Variants in LSM4 observed in about 807,000 individuals in gnomAD.
LSM4 encodes the protein LSM4 homolog, U6 small nuclear RNA and mRNA degradation associated, also known as U6 snRNA-associated Sm-like protein LSm4.
Under a neutral mutation model 22.3 loss-of-function variants are expected in LSM4, and 15 were observed. The ratio of observed to expected loss-of-function variants is 0.67; its 90% confidence interval spans 0.45 to 1.03. The LOEUF is 1.03. Ranked by LOEUF, LSM4 falls within the 50% of genes least tolerant of loss-of-function variation. LSM4 has a pLI of 0.00. For synonymous variants in LSM4, 90 were observed against 79.8 expected (o/e 1.13, Z -0.68); for missense variants, 127 against 198.0 (o/e 0.64, Z 2.15).
intron 2 of LSM4, among the ~76,000 whole-genome samples, chr19:18,313,038 G>C (rs1023307870): frequency 6.6e-6 from 1 of 152,180 alleles, no homozygotes; most frequent in Non-Finnish European, 1.5e-5. Flanking sequence ...GACCAACATG[G>C]TGAAACCCCA....
At chr19:18,311,290 T>C (rs1472197084) in intron 3 of LSM4, among the ~76,000 whole-genome samples, 2 of 152,126 alleles carry the variant, frequency 1.3e-5, no homozygotes, top group African/African-American at 4.8e-5. Flanking sequence ...CTCTGCATCC[T>C]GCGGCCTGCC....
chr19:18,319,366 A>G (rs1056607807), intron 1 of LSM4, among the ~76,000 whole-genome samples: 1 of 152,186 alleles, frequency 6.6e-6, no homozygotes, highest in Non-Finnish European at 1.5e-5. Flanking sequence ...GTTCGAGACC[A>G]GCCTGGCCAA....
chr19:18,316,512 A>T (rs1970358415), intron 1 of LSM4, among the ~76,000 whole-genome samples: 1 of 151,724 alleles, frequency 6.6e-6, no homozygotes, highest in African/African-American at 2.4e-5. Flanking sequence ...CACACCCAGC[A>T]AATTTTTGTA....
Position 18,307,637 on chromosome 19 carries a change from C to CGCCCCTT in LSM4, c.329-83_329-82insAAGGGGC. 3.9e-6 allele frequency: 4 copies of CGCCCCTT among 1,026,698 alleles called. No individual in the cohort carries two copies. In the South Asian group the frequency reaches 5.7e-5, roughly 15 times the overall value. 63.6% of individuals were successfully genotyped at this position (1,026,698 alleles called of 1,614,324 possible). A position where few individuals can be genotyped will look rare whatever the true frequency, so the allele number is the denominator to read the frequency against. Reference sequence around the variant, plus strand: ...GATCCCGGCGCCCTGAAACTCTAGGCCAGGTCACCTAAGTCTCCAGCCTCA... The same window carrying CGCCCCTT: ...GATCCCGGCGCCCTGAAACTCTAGGCGCCCCTTCAGGTCACCTAAGTCTCCAGCCTCA... On this transcript the variant is annotated intron_variant, in intron 4 of 4. Coordinates refer to ENST00000593829, the MANE Select transcript of LSM4 (RefSeq NM_012321.5).
At chr19:18,309,091 C>A (rs995233143) in intron 4 of LSM4, among the ~76,000 whole-genome samples, 2 of 152,062 alleles carry the variant, frequency 1.3e-5, no homozygotes, top group African/African-American at 4.8e-5. Context: ...CTCCTGACCA[C>A]CTCGTGAGCC....
intron 3 of LSM4, among the ~76,000 whole-genome samples, chr19:18,311,362 C>T (rs1010288116): frequency 7.9e-5 from 12 of 152,162 alleles, no homozygotes; most frequent in African/African-American, 2.9e-4. Context: ...CCTCTCCTCC[C>T]AGCCACATGT....
chr19:18,318,263 C>T (rs1391435758), intron 1 of LSM4, among the ~76,000 whole-genome samples: 2 of 152,248 alleles, frequency 1.3e-5, no homozygotes, highest in Non-Finnish European at 2.9e-5. Flanking sequence ...CCGGGTGGCT[C>T]CCCAATGAAA....
rs188389579 is a variant in LSM4, at chr19:18,320,689, C to T, written c.3+2329G>A. ...TGGTGCGTGCCTGTAATCACAGCTA[C>T]TTGGGAGGCTGAGGTAGGAGAATCA... is the stretch of plus-strand genomic sequence containing the variant. On this transcript the variant is annotated intron_variant, in intron 1 of 4. Transcript: ENST00000593829. Among the ~76,000 whole-genome samples, 724 of 152,094 alleles carry T rather than the reference C, an allele frequency of 4.8e-3. 3 individuals carry two copies. Among genetic ancestry groups the T allele is most frequent in the Middle Eastern group, 0.017 (5 of 294 alleles).
intron 4 of LSM4, among the ~76,000 whole-genome samples, chr19:18,307,786 CGG>C (rs35068456): frequency 0.3 from 45,594 of 150,166 alleles, 7,449 homozygotes; most frequent in Middle Eastern, 0.39. Flanking sequence ...CCCAGGGATG[CGG>C]GGGGGGGGGA....
At position 18,316,042 on chromosome 19, in the gene LSM4, C is replaced by T. The variant is rs775491191; in HGVS notation, c.27G>A (p.Thr9=). The T allele has an allele frequency of 1.1e-5, 18 of 1,613,424 alleles. No homozygotes were observed. The highest frequency in any genetic ancestry group is 1.6e-4 in the Middle Eastern group (1 of 6,078). The part of the protein sequence containing the change: MLPLSLLK[T]AQNHPMLVEL... ...TACTCACCATGGGGTGATTCTGAGC[C>T]GTCTTCAGCAGTGACAAGGGAAGCT... The change falls in exon 2 of 5, where the codon ACG becomes ACA. Residue 9 remains threonine (T), a synonymous_variant. Coordinates refer to ENST00000593829, the MANE Select transcript of LSM4 (RefSeq NM_012321.5).
rs1377073905 is a variant in LSM4 at position 18,312,690 on chromosome 19, T to A, written c.58A>T (p.Lys20Ter). 6.2e-7 allele frequency: 1 copy of A among 1,613,406 alleles called. No individual in the cohort carries two copies. ...TGTCCATTGTACGTCTCCCCATTTT[T>A]CAGCTCCACCAACTAGAAGAGAGAC... is the stretch of plus-strand genomic sequence containing the variant. ...AQNHPMLVEL[K>*]NGETYNGHLV... Residue 20 changes from lysine (K) to a stop codon, truncating the protein, a stop_gained, in exon 3 of 5, where the codon AAA becomes TAA. Transcript: ENST00000593829. LOFTEE classifies it high-confidence loss of function.
At chr19:18,315,835 G>A (rs534622155) in intron 2 of LSM4, among the ~76,000 whole-genome samples, 189 bp downstream of exon 2, 15 of 152,112 alleles carry the variant, frequency 9.9e-5, no homozygotes, top group African/African-American at 3.6e-4. Context: ...TAAATTTTTA[G>A]TAAGTATGTA....
Position 18,312,526 on chromosome 19 carries a change from A to G in LSM4, c.144+78T>C, listed in dbSNP as rs538135680. The G allele has an allele frequency of 2.4e-6, 3 of 1,248,392 alleles. No individual in the cohort carries two copies. The African/African-American group carries it at 4.4e-5, about 18-fold the overall frequency. 77.3% of individuals were successfully genotyped at this position (1,248,392 alleles called of 1,614,324 possible). On this transcript the variant is annotated intron_variant, in intron 3 of 4. Transcript: ENST00000593829. The stretch of plus-strand genomic sequence containing the variant: ...GCGGCCTCCCCCACTGACTCCTCCC[A>G]TGAGGCCCAGGGAGGGAGGGAGGAG...
intron 3 of LSM4, 131 bp from the exon 4 acceptor site, chr19:18,309,992 C>A (rs780889735): frequency 1.4e-4 from 116 of 832,468 alleles, no homozygotes; most frequent in Non-Finnish European, 2.0e-4. Flanking sequence ...CAGTATCAGT[C>A]CCGGGACATA....
chr19:18,311,547 C>T lies in LSM4; in HGVS notation c.144+1057G>A, dbSNP rs200081641. Among the ~76,000 whole-genome samples, 13 of 152,330 alleles carry T rather than the reference C, an allele frequency of 8.5e-5. No homozygotes were observed. The East Asian group carries it at 1.9e-3, about 23-fold the overall frequency. On this transcript the variant is annotated intron_variant, in intron 3 of 4. Transcript: ENST00000593829. ...CCACAAGACCGCACATGCTCACGCA[C>T]GCAACACGCCTGGTGATTCCAATAC...
chr19:18,315,950 T>A, intron 2 of LSM4, 74 bp downstream of exon 2: 1 of 1,442,888 alleles, frequency 6.9e-7, no homozygotes, highest in Non-Finnish European at 9.7e-7. Context: ...CAGGAAGCCG[T>A]CTGCTCAGCC....
Position 18,309,715 on chromosome 19 carries a change from C to T in LSM4, c.291G>A (p.Lys97=). 6.2e-7 allele frequency: 1 copy of T among 1,611,416 alleles called. No homozygotes were observed. Among genetic ancestry groups the T allele is most frequent in the Non-Finnish European group, 8.5e-7 (1 of 1,179,064 alleles). Residue 97 remains lysine (K), a synonymous_variant, in exon 4 of 5, where the codon AAG becomes AAA. Coordinates refer to ENST00000593829, the MANE Select transcript of LSM4 (RefSeq NM_012321.5). ...CGCCCATGCCGCGGCCTTTCTGCTGCTTCTGCTGCTGCAGGCCTCCGCGGC... is the reference window on the plus strand; with the variant it reads ...CGCCCATGCCGCGGCCTTTCTGCTGTTTCTGCTGCTGCAGGCCTCCGCGGC... The part of the protein sequence containing the change: ...GRGRGGLQQQ[K]QQKGRGMGGA...
At chr19:18,320,754 C>G (rs1419144849) in intron 1 of LSM4, among the ~76,000 whole-genome samples, 3 of 152,054 alleles carry the variant, frequency 2.0e-5, no homozygotes, top group Non-Finnish European at 4.4e-5. Context: ...TGAGATTACA[C>G]CACTGCACTT....
intron 1 of LSM4, among the ~76,000 whole-genome samples, chr19:18,321,323 C>A (rs4808783): frequency 2.0e-5 from 3 of 152,102 alleles, no homozygotes; most frequent in African/African-American, 7.3e-5. Flanking sequence ...CTAAGTACAC[C>A]GCAGAGAGGG....
Sources: gnomAD v4.1 joint callset for allele counts (sites outside exome capture counted in the v4.1 genomes callset) on GRCh38, gnomAD v4.1.1 for gene constraint, MANE v1.5 for transcripts, NCBI Gene and HGNC (gene_info 2026-07-23, HGNC 2026-07-21) for gene names.